The following SNTG2 variants were observed in gnomAD, a reference collection of about 807,000 sequenced individuals.
The protein encoded by SNTG2 is syntrophin gamma 2, also known as gamma-2-syntrophin.
SNTG2 carries 74 observed loss-of-function variants against 70.9 expected under a neutral mutation model. The observed-to-expected ratio is 1.04, with a 90% confidence interval of 0.86 to 1.27. SNTG2 has a LOEUF of 1.27. Among genes scored for constraint, SNTG2 ranks in the 50% most tolerant of loss-of-function variants. The probability of loss-of-function intolerance (pLI) is 0.00; values close to 1 mark genes in which losing one functional copy is unlikely to be tolerated. For synonymous variants in SNTG2, 278 were observed against 273.8 expected (o/e 1.02, Z -0.15); for missense variants, 717 against 690.7 (o/e 1.04, Z -0.43).
intron 12 of SNTG2, among the ~76,000 whole-genome samples, chr2:1,255,770 T>A (rs1678017567): frequency 7.9e-6 from 1 of 126,710 alleles, no homozygotes; most frequent in South Asian, 2.5e-4. Context: ...TACATTAATC[T>A]TCTAATTATA....
intron 16 of SNTG2, among the ~76,000 whole-genome samples, chr2:1,347,993 T>G (rs1398192977): frequency 6.6e-6 from 1 of 152,146 alleles, no homozygotes; most frequent in African/African-American, 2.4e-5. Flanking sequence ...TTAAGGTCCT[T>G]TTGTAACTGC....
intron 9 of SNTG2, among the ~76,000 whole-genome samples, chr2:1,209,590 GC>G (rs1482835692): frequency 1.3e-5 from 2 of 152,174 alleles, no homozygotes; most frequent in Admixed American, 6.5e-5. Context: ...TTTTAGAAAT[GC>G]CACTTAAACT....
chr2:955,928 C>T (rs538333690), intron 1 of SNTG2, among the ~76,000 whole-genome samples: 127 of 152,300 alleles, frequency 8.3e-4, no homozygotes, highest in Admixed American at 2.2e-3. Context: ...ACATCTGCCA[C>T]TGTCTCCGGC....
chr2:1,232,669 A>G (rs1676336146), intron 9 of SNTG2, among the ~76,000 whole-genome samples: 1 of 152,214 alleles, frequency 6.6e-6, no homozygotes, highest in Non-Finnish European at 1.5e-5. Flanking sequence ...ATTAATATTT[A>G]ATATGGACTA....
At chr2:1,235,246 A>C (rs1422354154) in intron 9 of SNTG2, among the ~76,000 whole-genome samples, 7 of 81,352 alleles carry the variant, frequency 8.6e-5, no homozygotes, top group Admixed American at 1.3e-4. Context: ...GGGCGCCCCT[A>C]CCCCATGCTG....
chr2:1,177,947 T>C (rs1277686632), intron 8 of SNTG2, among the ~76,000 whole-genome samples: 4 of 152,214 alleles, frequency 2.6e-5, no homozygotes, highest in African/African-American at 9.7e-5. Flanking sequence ...ACTACTGTAT[T>C]GTTGGAATTT....
chr2:963,964 A>AT (rs1160957146), intron 1 of SNTG2, among the ~76,000 whole-genome samples: 1 of 151,920 alleles, frequency 6.6e-6, no homozygotes, highest in East Asian at 1.9e-4. Context: ...CGTGTCTCTC[A>AT]TTTTTAACAG....
intron 1 of SNTG2, among the ~76,000 whole-genome samples, chr2:954,745 C>G (rs1325428627): frequency 6.6e-6 from 1 of 152,200 alleles, no homozygotes; most frequent in Non-Finnish European, 1.5e-5. Context: ...CAAGAAGGCC[C>G]TCCAAAAGCT....
intron 6 of SNTG2, among the ~76,000 whole-genome samples, chr2:1,147,213 T>A (rs13032676): frequency 7.2e-5 from 11 of 151,942 alleles, no homozygotes; most frequent in Non-Finnish European, 1.5e-4. Flanking sequence ...TTGACAAGGG[T>A]TGGGCTTGTG....
intron 8 of SNTG2, among the ~76,000 whole-genome samples, chr2:1,198,204 C>G (rs1375952226): frequency 1.3e-5 from 2 of 152,108 alleles, no homozygotes; most frequent in East Asian, 3.9e-4. Flanking sequence ...ACCTTAGAAA[C>G]TATACCTATA....
At chr2:1,197,138 T>G (rs912974374) in intron 8 of SNTG2, among the ~76,000 whole-genome samples, 1 of 152,024 alleles carries the variant, frequency 6.6e-6, no homozygotes, top group South Asian at 2.1e-4. Flanking sequence ...TAAATGTAAA[T>G]GAATTAAATT....
intron 9 of SNTG2, among the ~76,000 whole-genome samples, chr2:1,236,693 G>C (rs1272615030): frequency 1.3e-5 from 2 of 152,202 alleles, no homozygotes; most frequent in Non-Finnish European, 2.9e-5. Flanking sequence ...ACTCTGGTCT[G>C]ATAGATTTGG....
At chr2:1,079,779 C>T (rs919000473) in intron 1 of SNTG2, among the ~76,000 whole-genome samples, 5 of 152,178 alleles carry the variant, frequency 3.3e-5, no homozygotes, top group Non-Finnish European at 7.4e-5. Context: ...GAGTGGTCAG[C>T]GTGATGAATT....
chr2:1,181,341 G>A (rs1366723399), intron 8 of SNTG2, among the ~76,000 whole-genome samples: 1 of 152,134 alleles, frequency 6.6e-6, no homozygotes, highest in Non-Finnish European at 1.5e-5. Flanking sequence ...AACAGATGGT[G>A]CAATTTCTTT....
intron 2 of SNTG2, among the ~76,000 whole-genome samples, chr2:1,092,873 T>G (rs570727845): frequency 1.3e-5 from 2 of 152,332 alleles, no homozygotes; most frequent in African/African-American, 4.8e-5. Flanking sequence ...GAACATTAAT[T>G]AAATGTCATA....
chr2:1,350,935 T>C (rs1241432856), intron 16 of SNTG2, among the ~76,000 whole-genome samples: 2 of 152,056 alleles, frequency 1.3e-5, no homozygotes, highest in African/African-American at 2.4e-5. Context: ...TATCAGAAAA[T>C]GTCTTCCCAA....
At chr2:1,341,315 G>C (rs1374078214) in intron 16 of SNTG2, 1 of 152,242 alleles carries the variant, frequency 6.6e-6, no homozygotes, top group Admixed American at 6.5e-5. Context: ...GTTAACAAGA[G>C]AGAAGCAGAG....
chr2:1,022,763 G>A (rs1200426229), intron 1 of SNTG2, among the ~76,000 whole-genome samples: 4 of 152,152 alleles, frequency 2.6e-5, no homozygotes, highest in Non-Finnish European at 5.9e-5. Flanking sequence ...GCTAAATAGT[G>A]AATTTTCCCT....
intron 4 of SNTG2, among the ~76,000 whole-genome samples, chr2:1,117,919 G>C (rs113325571): frequency 0.013 from 1,911 of 152,282 alleles, 33 homozygotes; most frequent in African/African-American, 0.041. Context: ...TTTGGGTCCA[G>C]GATTGCAGCT....
Sources: allele counts gnomAD v4.1 joint callset (sites outside exome capture counted in the v4.1 genomes callset), GRCh38; gene constraint gnomAD v4.1.1; transcripts MANE v1.5; gene names NCBI Gene and HGNC (gene_info 2026-07-23, HGNC 2026-07-21).